Variants in PLXNA1 observed in about 807,000 individuals in gnomAD.
PLXNA1 encodes the protein plexin-A1.
Under a neutral mutation model 191.7 loss-of-function variants are expected in PLXNA1, and 77 were observed. That is an observed-to-expected ratio of 0.40 (90% CI 0.33 to 0.49). The LOEUF is 0.49. PLXNA1 is among the 20% of genes least tolerant of loss of function. The pLI, the probability that PLXNA1 is intolerant of heterozygous loss-of-function variation, is 0.63. For synonymous variants in PLXNA1, 1,137 were observed against 1,156.4 expected, an observed-to-expected ratio of 0.98 and a Z score of 0.34; for missense variants, 2,110 against 2,660.2, an observed-to-expected ratio of 0.79 and a Z score of 4.55.
chr3:127,008,999 C>T (rs1477501316), intron 9 of PLXNA1, among the ~76,000 whole-genome samples: 1 of 152,108 alleles, frequency 6.6e-6, no homozygotes, highest in Non-Finnish European at 1.5e-5. Flanking sequence ...GTGCGGCCTG[C>T]CTGAAGAGCC....
At chr3:127,015,421 C>T (rs2079118206) in intron 15 of PLXNA1, 101 bp downstream of exon 15, 4 of 1,448,664 alleles carry the variant, frequency 2.8e-6, no homozygotes, top group African/African-American at 2.8e-5. Flanking sequence ...CTATGGAGAG[C>T]CTGGCTGGGG....
In PLXNA1 at chr3:127,014,072, T is replaced by C. The variant is rs1165954835; in HGVS notation, c.2366T>C (p.Val789Ala). Residue 789 changes from valine (V) to alanine (A), a missense_variant, in exon 11 of 32, where the codon GTG becomes GCG. By Grantham distance (64) the Val-to-Ala change is moderately conservative. Around this residue, in one of 4 missense-constraint regions of PLXNA1, gnomAD observed 644 missense variants for 714.3 expected, o/e 0.90. Coordinates refer to ENST00000393409, the MANE Select transcript of PLXNA1 (RefSeq NM_032242.4). Reference sequence around the variant, plus strand: ...GACCTGCCAGTGAACCTGTCAGTCGTGTGGAACGGCAACTTTGTCATTGAC... The same window carrying C: ...GACCTGCCAGTGAACCTGTCAGTCGCGTGGAACGGCAACTTTGTCATTGAC... ...VSDLPVNLSV[V>A]WNGNFVIDNP... 6.2e-7 allele frequency: 1 copy of C among 1,613,964 alleles called. No homozygotes were observed. The highest frequency in any genetic ancestry group is 8.5e-7 in the Non-Finnish European group (1 of 1,179,972).
chr3:127,032,828 A>G lies in PLXNA1; in HGVS notation c.5587A>G (p.Lys1863Glu). Residue 1863 changes from lysine to glutamate, a missense_variant, in exon 31 of 32, where the codon AAG (lysine) becomes GAG (glutamate). Around this residue, in one of 4 missense-constraint regions of PLXNA1, gnomAD observed 559 missense variants for 911.5 expected, o/e 0.61. Coordinates refer to ENST00000393409, the MANE Select transcript of PLXNA1 (RefSeq NM_032242.4). ...GATCTACTCCTACATCACCAAGTAC[A>G]AGGATGAGGTGAACACCGTGGGAGC... ...HEIYSYITKYKDEILAALEKD... is the reference protein window; with the variant it reads ...HEIYSYITKYEDEILAALEKD... 1 of 1,612,990 alleles carries G rather than the reference A, an allele frequency of 6.2e-7. No homozygotes were observed. Among genetic ancestry groups the G allele is most frequent in the Non-Finnish European group, 8.5e-7 (1 of 1,179,958 alleles).
At chr3:127,010,348 G>A (rs887596096) in intron 9 of PLXNA1, among the ~76,000 whole-genome samples, 1 of 152,168 alleles carries the variant, frequency 6.6e-6, no homozygotes, top group African/African-American at 2.4e-5. Flanking sequence ...CAGGCCTCCT[G>A]TCAGAGTCAG....
chr3:127,013,286 A>G (rs1329173406), intron 10 of PLXNA1, among the ~76,000 whole-genome samples: 15 of 152,114 alleles, frequency 9.9e-5, no homozygotes. Context: ...GCCCACATTA[A>G]TCTTCCCTTC....
At chr3:127,031,509 A>ACTCTCCACTGTCTTAGCTCCCCT (rs2079210865) in intron 29 of PLXNA1, among the ~76,000 whole-genome samples, 1 of 151,192 alleles carries the variant, frequency 6.6e-6, no homozygotes, top group African/African-American at 2.4e-5. Context: ...TTCTGTGCAC[A>ACTCTCCACTGTCTTAGCTCCCCT]CTCTCCACTG....
At chr3:127,006,960 A>G (rs1341906346) in intron 8 of PLXNA1, among the ~76,000 whole-genome samples, 1 of 152,186 alleles carries the variant, frequency 6.6e-6, no homozygotes, top group Non-Finnish European at 1.5e-5. Flanking sequence ...GTGGCTTTTC[A>G]GGTATGCTTT....
intron 27 of PLXNA1, 65 bp from the exon 28 acceptor site, chr3:127,029,809 A>G: frequency 6.8e-7 from 1 of 1,472,882 alleles, no homozygotes; most frequent in Admixed American, 2.3e-5. Context: ...TCAGATGGGG[A>G]AACAGGCTCG....
Position 127,014,241 on chromosome 3 carries a change from C to A in PLXNA1, c.2470C>A (p.Pro824Thr), listed in dbSNP as rs1286896760. ...CTGCGGCCTCTGCCTCAAGGCCGAC[C>A]CGCGCTTCGAGTGCGGATGGTGCGT... ...ESCGLCLKAD[P>T]RFECGWCVAE... Residue 824 changes from proline to threonine, a missense_variant, in exon 12 of 32, where the codon CCG (proline) becomes ACG (threonine). Around this residue, in one of 4 missense-constraint regions of PLXNA1, gnomAD observed 644 missense variants for 714.3 expected, o/e 0.90. Coordinates refer to ENST00000393409, the MANE Select transcript of PLXNA1 (RefSeq NM_032242.4). 3.1e-6 allele frequency: 5 copies of A among 1,604,102 alleles called. No homozygotes were observed. The highest frequency in any genetic ancestry group is 4.5e-5 in the East Asian group (2 of 44,478).
Position 127,017,489 on chromosome 3 carries a change from G to T in PLXNA1, c.3341G>T (p.Arg1114Leu), listed in dbSNP as rs545559492. 6.8e-6 allele frequency: 11 copies of T among 1,613,530 alleles called. No individual in the cohort carries two copies. The highest frequency in any genetic ancestry group is 1.6e-4 in the Middle Eastern group (1 of 6,062). Residue 1114 changes from arginine to leucine, a missense_variant, in exon 18 of 32, where the codon CGC (arginine) becomes CTC (leucine). Coordinates refer to ENST00000393409, the MANE Select transcript of PLXNA1 (RefSeq NM_032242.4). Reference sequence around the variant, plus strand: ...GCCCCGTCTGTGGCCAACCCTGTGCGCAGCCCACCAGAGCTGGGGGAGCGG... The same window carrying T: ...GCCCCGTCTGTGGCCAACCCTGTGCTCAGCCCACCAGAGCTGGGGGAGCGG... ...CRAPSVANPVRSPPELGERPD... is the reference protein window; with the variant it reads ...CRAPSVANPVLSPPELGERPD...
At chr3:127,030,602 C>T (rs565937778) in intron 29 of PLXNA1, among the ~76,000 whole-genome samples, 190 bp downstream of exon 29, 10 of 152,232 alleles carry the variant, frequency 6.6e-5, no homozygotes, top group South Asian at 4.1e-4. Context: ...CCTTGACCCA[C>T]GGCTCGCCCT....
chr3:127,013,577 GTC>G (rs1257346513), intron 10 of PLXNA1, among the ~76,000 whole-genome samples: 2 of 152,220 alleles, frequency 1.3e-5, no homozygotes, highest in Non-Finnish European at 2.9e-5. Context: ...GATTTTGCCT[GTC>G]TCTGCCCCAG....
rs2079244738 is a variant in PLXNA1 at position 127,036,596 on chromosome 3, C to G, written c.*2579C>G. 6.6e-6 allele frequency: 1 copy of G among 152,446 alleles called. No homozygotes were observed. The highest frequency in any genetic ancestry group is 2.4e-5 in the African/African-American group (1 of 41,462). 9.4% of individuals were successfully genotyped at this position (152,446 alleles called of 1,614,324 possible). A position where few individuals can be genotyped will look rare whatever the true frequency, so the allele number is the denominator to read the frequency against. On this transcript the variant is annotated 3_prime_UTR_variant, in exon 32 of 32. Coordinates refer to ENST00000393409, the MANE Select transcript of PLXNA1 (RefSeq NM_032242.4). ...TCGTGGAGTTAGGCCCCAGTCCCTA[C>G]TTGTCACTGGTTCCCACTGTGCTCC...
At chr3:127,030,783 C>T (rs2079206052) in intron 29 of PLXNA1, among the ~76,000 whole-genome samples, 1 of 152,178 alleles carries the variant, frequency 6.6e-6, no homozygotes, top group Non-Finnish European at 1.5e-5. Flanking sequence ...ACAGGGACTG[C>T]AGGTACTCCT....
Position 127,015,191 on chromosome 3 carries a change from CCTT to C in PLXNA1, c.2888_2890del (p.Phe963del). 6.2e-7 allele frequency: 1 copy of C among 1,612,020 alleles called. No individual in the cohort carries two copies. Among genetic ancestry groups the C allele is most frequent in the Non-Finnish European group, 8.5e-7 (1 of 1,179,064 alleles). On this transcript the variant is annotated inframe_deletion, in exon 15 of 32. Coordinates refer to ENST00000393409, the MANE Select transcript of PLXNA1 (RefSeq NM_032242.4). ...AGTTCCCTCTTCCTGCAGACACCAA[CCTT>C]CTACCGTGTGAGCCCCTCCCGTGGG...
At position 127,022,797 on chromosome 3, in the gene PLXNA1, C is replaced by G. The variant is rs927859298; in HGVS notation, c.4341C>G (p.Phe1447Leu). Residue 1447 changes from phenylalanine to leucine, a missense_variant, in exon 23 of 32, where the codon TTC becomes TTG. Physicochemically the swap from Phe to Leu is conservative, Grantham distance 22. This residue lies in a region of PLXNA1 where 559 missense variants were observed against 911.5 expected (regional missense o/e 0.61). Coordinates refer to ENST00000393409, the MANE Select transcript of PLXNA1 (RefSeq NM_032242.4). Reference sequence around the variant, plus strand: ...AGATGCTAACTAACTGGTTCACCTTCCTCTTGTATAAGTTCCTCAAGGTAA... The same window carrying G: ...AGATGCTAACTAACTGGTTCACCTTGCTCTTGTATAAGTTCCTCAAGGTAA... The part of the protein sequence containing the change: ...AEKMLTNWFT[F>L]LLYKFLKECA... 6 of 1,614,052 alleles carry G rather than the reference C, an allele frequency of 3.7e-6. No homozygotes were observed. The highest frequency in any genetic ancestry group is 4.2e-6 in the Non-Finnish European group (5 of 1,179,978).
In PLXNA1 at chr3:127,017,412, C is replaced by G. The variant is rs1451112313; in HGVS notation, c.3277-13C>G. The G allele has an allele frequency of 2.5e-6, 4 of 1,609,644 alleles. No homozygotes were observed. Among genetic ancestry groups the G allele is most frequent in the Non-Finnish European group, 3.4e-6 (4 of 1,178,024 alleles). Reference sequence around the variant, plus strand: ...CGGAGGTCCCGCCCAGCATCCCCACCCTGTGTCTCCAGGGCTGCCTGGTGT... The same window carrying G: ...CGGAGGTCCCGCCCAGCATCCCCACGCTGTGTCTCCAGGGCTGCCTGGTGT... On this transcript the variant is annotated splice_polypyrimidine_tract_variant and intron_variant, in intron 17 of 31. Coordinates refer to ENST00000393409, the MANE Select transcript of PLXNA1 (RefSeq NM_032242.4).
chr3:127,033,817 A>G, intron 31 of PLXNA1, 105 bp from the exon 32 acceptor site: 1 of 932,996 alleles, frequency 1.1e-6, no homozygotes, highest in Non-Finnish European at 1.6e-6. Context: ...CCAGGGGTAG[A>G]TGGGGTTGAA....
intron 3 of PLXNA1, among the ~76,000 whole-genome samples, chr3:126,997,681 T>C (rs1412399626): frequency 6.6e-6 from 1 of 152,236 alleles, no homozygotes; most frequent in African/African-American, 2.4e-5. Flanking sequence ...GCCATGAGGA[T>C]GCAGGGAGCG....
Sources: allele counts gnomAD v4.1 joint callset (sites outside exome capture counted in the v4.1 genomes callset), GRCh38; gene constraint gnomAD v4.1.1; regional missense constraint gnomAD v4.1.1; transcripts MANE v1.5; gene names NCBI Gene and HGNC (gene_info 2026-07-23, HGNC 2026-07-21).